Variants in USP28 observed in about 807,000 individuals in gnomAD.
USP28 encodes ubiquitin carboxyl-terminal hydrolase 28.
USP28 carries 113 observed loss-of-function variants against 145.0 expected under a neutral mutation model. The observed-to-expected ratio is 0.78, with a 90% confidence interval of 0.67 to 0.91. The LOEUF (loss-of-function observed/expected upper bound fraction) is 0.91, where lower values mean the gene tolerates loss of function less well. Among genes scored for constraint, USP28 ranks in the 40% least tolerant of loss-of-function variants. USP28 has a pLI of 0.00. For synonymous variants in USP28, 447 were observed against 450.9 expected (o/e 0.99, Z 0.11); for missense variants, 1,201 against 1,289.6 (o/e 0.93, Z 1.05).
intron 2 of USP28, among the ~76,000 whole-genome samples, chr11:113,853,551 T>G (rs1946712219): frequency 6.6e-6 from 1 of 152,120 alleles, no homozygotes; most frequent in South Asian, 2.1e-4. Context: ...ATCTTATCAC[T>G]GGTCAACATT....
intron 12 of USP28, among the ~76,000 whole-genome samples, chr11:113,820,074 C>T (rs1008185206): frequency 6.6e-6 from 1 of 152,102 alleles, no homozygotes; most frequent in Non-Finnish European, 1.5e-5. Flanking sequence ...AAGGTCATTG[C>T]CAAGGTCTTA....
intron 8 of USP28, among the ~76,000 whole-genome samples, chr11:113,831,557 G>C (rs1943984441): frequency 6.6e-6 from 1 of 152,146 alleles, no homozygotes; most frequent in African/African-American, 2.4e-5. Context: ...CACATTCTTA[G>C]TAGACCTCAA....
At position 113,841,645 on chromosome 11, in the gene USP28, A is replaced by G. The variant is rs774638685; in HGVS notation, c.374+18T>C. On this transcript the variant is annotated intron_variant, in intron 4 of 24. Transcript: ENST00000003302. ...CACACAAATGTGGGGGGCAAGAATT[A>G]TAAGTTAAATCAATAACCTGTTAAG... 5 of 1,551,082 alleles carry G rather than the reference A, an allele frequency of 3.2e-6. No individual in the cohort carries two copies. The highest frequency in any genetic ancestry group is 1.4e-5 in the African/African-American group (1 of 71,962).
chr11:113,834,160 C>A, intron 6 of USP28, 89 bp downstream of exon 6: 1 of 920,210 alleles, frequency 1.1e-6, no homozygotes, highest in African/African-American at 1.7e-5. Flanking sequence ...CAAAGAGTAT[C>A]ACGGATATCA....
intron 5 of USP28, among the ~76,000 whole-genome samples, 179 bp from the exon 6 acceptor site, chr11:113,834,514 G>A (rs1395110982): frequency 1.3e-5 from 2 of 152,156 alleles, no homozygotes; most frequent in African/African-American, 4.8e-5. Context: ...TTAGCTCAAA[G>A]AATATTAATA....
intron 3 of USP28, among the ~76,000 whole-genome samples, chr11:113,852,250 G>T (rs377429465): frequency 2.3e-4 from 35 of 152,180 alleles, no homozygotes; most frequent in African/African-American, 8.2e-4. Flanking sequence ...GGATGGTCTC[G>T]ATCTCCTGAC....
At chr11:113,798,077 T>A (rs932360241) in exon 25 of USP28, 2 of 144,900 alleles carry the variant, frequency 1.4e-5, no homozygotes, top group Non-Finnish European at 3.0e-5. Context: ...TTTTTTTTTT[T>A]TTTTTTTTTT....
At chr11:113,844,501 A>C (rs957411972) in intron 3 of USP28, among the ~76,000 whole-genome samples, 1 of 71,688 alleles carries the variant, frequency 1.4e-5, no homozygotes, top group African/African-American at 5.7e-5. Flanking sequence ...TATTTGCAAA[A>C]CATGCATCTG....
At chr11:113,863,719 C>G (rs10750033) in intron 1 of USP28, among the ~76,000 whole-genome samples, 149,059 of 149,128 alleles carry the variant, frequency 1, 74,495 homozygotes, top group Non-Finnish European at 1. Context: ...GCTGAGGCGG[C>G]CGGATCACAA....
chr11:113,867,814 G>A (rs1486160336), intron 1 of USP28, among the ~76,000 whole-genome samples: 3 of 146,912 alleles, frequency 2.0e-5, no homozygotes, highest in Non-Finnish European at 4.5e-5. Context: ...GGGGAGGGAG[G>A]GAGGGAGGAA....
chr11:113,856,197 T>C (rs552723191), intron 1 of USP28, among the ~76,000 whole-genome samples: 2 of 152,356 alleles, frequency 1.3e-5, no homozygotes, highest in African/African-American at 2.4e-5. Context: ...TTGATTTTAC[T>C]GTATAAAAGC....
At chr11:113,842,047 A>T (rs1014923626) in intron 3 of USP28, among the ~76,000 whole-genome samples, 1 of 152,222 alleles carries the variant, frequency 6.6e-6, no homozygotes, top group African/African-American at 2.4e-5. Context: ...GATCCCATAC[A>T]TGTGGGTTAA....
rs1943688728 is a variant in USP28 at position 113,829,057 on chromosome 11, T to A, written c.1059+140A>T. ...CTGATACTCACTGACTCACATCAAC[T>A]GATGAGAGACTTAAGACAAATTCAA... On this transcript the variant is annotated intron_variant, in intron 10 of 24. Transcript: ENST00000003302. 2.7e-6 allele frequency: 3 copies of A among 1,128,362 alleles called. No homozygotes were observed. In the East Asian group the frequency reaches 7.4e-5, roughly 28 times the overall value. The allele number at this position is 1,128,362 out of a possible 1,614,324, so 69.9% of individuals were successfully genotyped here.
At chr11:113,854,555 C>T (rs563137919) in intron 1 of USP28, among the ~76,000 whole-genome samples, 4 of 152,296 alleles carry the variant, frequency 2.6e-5, no homozygotes, top group Admixed American at 2.6e-4. Flanking sequence ...GCACAGGCCA[C>T]CACGCCCAGC....
chr11:113,839,857 G>A (rs867051861), intron 5 of USP28, among the ~76,000 whole-genome samples: 12 of 151,934 alleles, frequency 7.9e-5, no homozygotes, highest in Middle Eastern at 3.2e-3. Context: ...ACCCCATCTC[G>A]ACTAAAAATA....
chr11:113,808,637 G>GT (rs1305309759), intron 17 of USP28, among the ~76,000 whole-genome samples, 200 bp from the exon 18 acceptor site: 1 of 152,158 alleles, frequency 6.6e-6, no homozygotes, highest in Non-Finnish European at 1.5e-5. Context: ...GATAAAGTCT[G>GT]TAAACTTTGA....
intron 24 of USP28, among the ~76,000 whole-genome samples, chr11:113,800,887 G>A (rs1039218721): frequency 5.4e-5 from 8 of 148,968 alleles, no homozygotes; most frequent in Non-Finnish European, 1.0e-4. Context: ...CCGTGGCCCA[G>A]GCTGGATTGC....
chr11:113,832,115 CT>C lies in USP28; in HGVS notation c.760-123del, dbSNP rs1565413154. ...ATAAAAGCATTTCTTTTTTTCTTTT[CT>C]TTTTTTGTTTTGAGACAGGGTCTCA... is the stretch of plus-strand genomic sequence containing the variant. On this transcript the variant is annotated intron_variant, in intron 7 of 24. Coordinates refer to ENST00000003302, the Ensembl canonical transcript of USP28. The C allele has an allele frequency of 1.2e-5, 11 of 906,832 alleles. No individual in the cohort carries two copies. The South Asian group carries it at 1.4e-4, about 11-fold the overall frequency. The allele number at this position is 906,832 out of a possible 1,614,324, so 56.2% of individuals were successfully genotyped here.
At chr11:113,858,402 C>T (rs2136694626) in intron 1 of USP28, among the ~76,000 whole-genome samples, 2 of 152,242 alleles carry the variant, frequency 1.3e-5, no homozygotes, top group Middle Eastern at 3.4e-3. Flanking sequence ...AGTAATACCA[C>T]CTACATTATT....
Sources: gnomAD v4.1 joint callset for allele counts (sites outside exome capture counted in the v4.1 genomes callset) on GRCh38, gnomAD v4.1.1 for gene constraint, MANE v1.5 for transcripts, NCBI Gene and HGNC (gene_info 2026-07-23, HGNC 2026-07-21) for gene names.